The following RNF125 variants were observed in gnomAD, a reference collection of about 807,000 sequenced individuals.
RNF125 encodes E3 ubiquitin-protein ligase RNF125.
In RNF125, 21 loss-of-function variants were observed where a neutral mutation model predicts 26.0. The ratio of observed to expected loss-of-function variants is 0.81; its 90% confidence interval spans 0.57 to 1.16. RNF125 has a LOEUF of 1.16. Among genes scored for constraint, RNF125 ranks in the 50% most tolerant of loss-of-function variants. The pLI, the probability that RNF125 is intolerant of heterozygous loss-of-function variation, is 0.00. For synonymous variants in RNF125, 95 were observed against 109.2 expected, an observed-to-expected ratio of 0.87 and a Z score of 0.81; for missense variants, 270 against 299.4, an observed-to-expected ratio of 0.90 and a Z score of 0.72.
chr18:32,082,018 A>G, the RNF125 span, among the ~76,000 whole-genome samples: 1 of 152,164 alleles, frequency 6.6e-6, no homozygotes, highest in Non-Finnish European at 1.5e-5. Context: ...TGAAATGCTG[A>G]GTGGGAAAGT....
chr18:32,039,291 A>G (rs759443415), intron 2 of RNF125, among the ~76,000 whole-genome samples: 7 of 151,896 alleles, frequency 4.6e-5, no homozygotes, highest in Non-Finnish European at 7.4e-5. Context: ...TAGATACTCC[A>G]GAGGCTGAGT....
intron 2 of RNF125, among the ~76,000 whole-genome samples, chr18:32,040,430 C>G (rs1313477888): frequency 2.0e-5 from 3 of 151,964 alleles, no homozygotes; most frequent in Non-Finnish European, 1.5e-5. Context: ...CACCACCACA[C>G]CCGGCTAATT....
chr18:32,045,545 A>G (rs2039260862), intron 3 of RNF125, 97 bp from the exon 4 acceptor site: 1 of 713,340 alleles, frequency 1.4e-6, no homozygotes, highest in African/African-American at 1.9e-5. Flanking sequence ...TGGGCCACAG[A>G]GCAAGACTCT....
chr18:32,059,449 G>T (rs1194576457), intron 4 of RNF125, among the ~76,000 whole-genome samples: 2 of 152,096 alleles, frequency 1.3e-5, no homozygotes, highest in African/African-American at 4.8e-5. Flanking sequence ...TAAATCGTTT[G>T]CCTGTTTTAA....
the RNF125 span, among the ~76,000 whole-genome samples, chr18:32,078,448 TTAAAAA>T: frequency 6.6e-6 from 1 of 152,104 alleles, no homozygotes; most frequent in Non-Finnish European, 1.5e-5. Context: ...AGGATATAGC[TTAAAAA>T]TAATAATAAT....
downstream of RNF125, among the ~76,000 whole-genome samples, chr18:32,073,672 A>C (rs2039551161): frequency 6.6e-6 from 1 of 152,204 alleles, no homozygotes; most frequent in Admixed American, 6.5e-5. Flanking sequence ...TGTAGCTGTC[A>C]TGCGTACCCA....
At chr18:32,083,077 A>T in the RNF125 span, among the ~76,000 whole-genome samples, 9 of 152,250 alleles carry the variant, frequency 5.9e-5, no homozygotes, top group East Asian at 1.2e-3. Context: ...TTACTTTATT[A>T]ATTCTGTCCA....
rs111674151 is a variant in RNF125 at position 32,035,828 on chromosome 18, A to G, written c.165-1288A>G. Among the ~76,000 whole-genome samples the G allele has an allele frequency of 2.8e-3, 426 of 152,322 alleles. 2 individuals carry two copies. Among genetic ancestry groups the G allele is most frequent in the African/African-American group, 9.9e-3 (410 of 41,580 alleles). ...TTTTCATATGTTAAAATACATTTTA[A>G]AAAGTCAGTGATTACTTTGGAGGGG... On this transcript the variant is annotated intron_variant, in intron 1 of 5. Transcript: ENST00000217740.
At position 32,042,231 on chromosome 18, in the gene RNF125, A is replaced by G. The variant is rs778055153; in HGVS notation, c.371A>G (p.Asp124Gly). The stretch of plus-strand genomic sequence containing the variant: ...ATTCGGACTTGTCAGAAGTACATAG[A>G]TAAGTATGGACCACTACAAGAACTT... ...AHIRTCQKYIDKYGPLQELEE... is the reference protein window; with the variant it reads ...AHIRTCQKYIGKYGPLQELEE... The change falls in exon 3 of 6, where the codon GAT (aspartate) becomes GGT (glycine). Residue 124 changes from aspartate (D) to glycine (G), a missense_variant. Physicochemically the swap from Asp to Gly is moderately conservative, Grantham distance 94. Coordinates refer to ENST00000217740, the MANE Select transcript of RNF125 (RefSeq NM_017831.4). 2 of 1,613,824 alleles carry G rather than the reference A, an allele frequency of 1.2e-6. No homozygotes were observed. The highest frequency in any genetic ancestry group is 1.3e-5 in the African/African-American group (1 of 75,036).
At chr18:32,020,551 G>C (rs1357950954) in intron 1 of RNF125, among the ~76,000 whole-genome samples, 2 of 151,408 alleles carry the variant, frequency 1.3e-5, no homozygotes, top group Non-Finnish European at 2.9e-5. Flanking sequence ...TGCACAACAT[G>C]TTTTTGAGGA....
rs1051840491 is a variant in RNF125, at chr18:32,072,150, A to G, written c.*3766A>G. On this transcript the variant is annotated 3_prime_UTR_variant, in exon 6 of 6. Transcript: ENST00000217740. ...TAGGAGGTCAACACTGCAGTGAGCTATGATCATGCTACTGCCCTCCAGCCT... is the reference window on the plus strand; with the variant it reads ...TAGGAGGTCAACACTGCAGTGAGCTGTGATCATGCTACTGCCCTCCAGCCT... 2 of 152,234 alleles carry G rather than the reference A, an allele frequency of 1.3e-5. No homozygotes were observed. The highest frequency in any genetic ancestry group is 4.8e-5 in the African/African-American group (2 of 41,452). 9.4% of individuals were successfully genotyped at this position (152,234 alleles called of 1,614,324 possible).
chr18:32,080,131 C>T, the RNF125 span, among the ~76,000 whole-genome samples: 6 of 152,162 alleles, frequency 3.9e-5, no homozygotes, highest in Admixed American at 6.6e-5. Flanking sequence ...TGGGATCAAG[C>T]GATTCTCCTG....
At chr18:32,045,356 C>G (rs980101112) in intron 3 of RNF125, among the ~76,000 whole-genome samples, 7 of 151,518 alleles carry the variant, frequency 4.6e-5, no homozygotes, top group Non-Finnish European at 1.0e-4. Context: ...GTCAGGAGTT[C>G]GAGACCATCC....
At chr18:32,026,134 G>A (rs971767964) in intron 1 of RNF125, among the ~76,000 whole-genome samples, 4 of 147,444 alleles carry the variant, frequency 2.7e-5, no homozygotes, top group Non-Finnish European at 4.5e-5. Flanking sequence ...GCGCAATCTT[G>A]GCTCACTGCA....
chr18:32,075,403 C>A (rs1342496891), downstream of RNF125, among the ~76,000 whole-genome samples: 1 of 152,052 alleles, frequency 6.6e-6, no homozygotes, highest in African/African-American at 2.4e-5. Context: ...ACTAAAAATA[C>A]AAAAAATTGG....
chr18:32,054,333 T>A (rs950754266), intron 4 of RNF125, among the ~76,000 whole-genome samples: 1 of 152,094 alleles, frequency 6.6e-6, no homozygotes, highest in Non-Finnish European at 1.5e-5. Context: ...CCTCAGGTGT[T>A]CCTCCCGCTG....
At chr18:32,059,804 T>TA (rs1439187377) in intron 4 of RNF125, among the ~76,000 whole-genome samples, 1 of 151,482 alleles carries the variant, frequency 6.6e-6, no homozygotes. Flanking sequence ...TATTTTTTTT[T>TA]AATTTGATAC....
Position 32,065,926 on chromosome 18 carries a change from C to T in RNF125, c.529C>T (p.Pro177Ser), listed in dbSNP as rs1195650308. Reference protein sequence around the residue: ...PVFCPLCRLIPDENPSSFSGS... With the variant: ...PVFCPLCRLISDENPSSFSGS... Reference sequence around the variant, plus strand: ...GTTCTGTCCACTTTGCCGTTTAATACCCGATGAGAATCCAAGCAGCTTCAG... The same window carrying T: ...GTTCTGTCCACTTTGCCGTTTAATATCCGATGAGAATCCAAGCAGCTTCAG... Residue 177 changes from proline (P) to serine (S), a missense_variant, in exon 5 of 6, where the codon CCC becomes TCC. Coordinates refer to ENST00000217740, the MANE Select transcript of RNF125 (RefSeq NM_017831.4). The T allele has an allele frequency of 2.5e-6, 4 of 1,613,032 alleles. No homozygotes were observed. The highest frequency in any genetic ancestry group is 4.5e-5 in the East Asian group (2 of 44,862).
chr18:32,065,174 T>A (rs1396780629), intron 4 of RNF125, among the ~76,000 whole-genome samples: 1 of 152,228 alleles, frequency 6.6e-6, no homozygotes, highest in Non-Finnish European at 1.5e-5. Context: ...AATGGATGAA[T>A]AAAGTTGACA....
Sources: gnomAD v4.1 joint callset for allele counts (sites outside exome capture counted in the v4.1 genomes callset) on GRCh38, gnomAD v4.1.1 for gene constraint, MANE v1.5 for transcripts, NCBI Gene and HGNC (gene_info 2026-07-23, HGNC 2026-07-21) for gene names.